Variants in EGFLAM observed in about 807,000 individuals in gnomAD.
EGFLAM encodes EGF like, fibronectin type III and laminin G domains.
A neutral mutation model predicts 113.1 loss-of-function variants in EGFLAM; 79 were observed. The ratio of observed to expected loss-of-function variants is 0.70; its 90% CI spans 0.58 to 0.84. The LOEUF (loss-of-function observed/expected upper bound fraction) is 0.84. EGFLAM is among the 40% of genes least tolerant of loss of function. EGFLAM has a pLI of 0.00. For missense variants in EGFLAM, 1,265 were observed against 1,291.6 expected (o/e 0.98, Z 0.32); for synonymous variants, 504 against 487.6 (o/e 1.03, Z -0.44).
intron 1 of EGFLAM, among the ~76,000 whole-genome samples, chr5:38,289,511 C>G (rs1380885797): frequency 6.6e-6 from 1 of 152,156 alleles, no homozygotes; most frequent in African/African-American, 2.4e-5. Context: ...AGCATCTTTA[C>G]TGAGTGACCC....
chr5:38,394,610 C>T (rs1198763794), intron 6 of EGFLAM, among the ~76,000 whole-genome samples: 3 of 151,434 alleles, frequency 2.0e-5, no homozygotes, highest in African/African-American at 4.9e-5. Flanking sequence ...GGGGTTTCAC[C>T]GTGTTAGCCA....
intron 1 of EGFLAM, among the ~76,000 whole-genome samples, chr5:38,325,493 A>G (rs1446224871): frequency 6.6e-6 from 1 of 152,246 alleles, no homozygotes; most frequent in African/African-American, 2.4e-5. Flanking sequence ...CGACAGATTT[A>G]GCAACCAAAG....
chr5:38,272,394 A>G (rs36046539), intron 1 of EGFLAM, among the ~76,000 whole-genome samples: 12,751 of 152,282 alleles, frequency 0.084, 622 homozygotes, highest in South Asian at 0.13. Flanking sequence ...ACCAAAGGAA[A>G]GAGAGGCTTG....
chr5:38,397,072 C>T (rs1475829691), intron 6 of EGFLAM, among the ~76,000 whole-genome samples: 1 of 152,236 alleles, frequency 6.6e-6, no homozygotes, highest in Non-Finnish European at 1.5e-5. Flanking sequence ...ATCTGAGAAG[C>T]TTTGAGGTGA....
chr5:38,286,899 T>C (rs1758177762), intron 1 of EGFLAM, among the ~76,000 whole-genome samples: 1 of 152,172 alleles, frequency 6.6e-6, no homozygotes, highest in African/African-American at 2.4e-5. Flanking sequence ...TGAGAGGGGA[T>C]TGAACACAGC....
At chr5:38,442,321 A>C (rs911128028) in intron 17 of EGFLAM, among the ~76,000 whole-genome samples, 1 of 148,044 alleles carries the variant, frequency 6.8e-6, no homozygotes, top group Non-Finnish European at 1.5e-5. Context: ...TTTTATATTT[A>C]ATATCAATAT....
At chr5:38,394,346 A>C (rs1288150971) in intron 6 of EGFLAM, among the ~76,000 whole-genome samples, 1 of 151,876 alleles carries the variant, frequency 6.6e-6, no homozygotes, top group Non-Finnish European at 1.5e-5. Flanking sequence ...CTTCAGTCCA[A>C]ATCAATTCCT....
At chr5:38,409,749 C>T (rs1025458032) in intron 10 of EGFLAM, among the ~76,000 whole-genome samples, 2 of 152,210 alleles carry the variant, frequency 1.3e-5, no homozygotes, top group African/African-American at 4.8e-5. Context: ...TATGGGCTTA[C>T]CATCCTCATC....
At chr5:38,295,463 CT>C (rs1758431393) in intron 1 of EGFLAM, among the ~76,000 whole-genome samples, 1 of 151,984 alleles carries the variant, frequency 6.6e-6, no homozygotes, top group African/African-American at 2.4e-5. Context: ...GATTGAAAAA[CT>C]GCTGAACAGG....
chr5:38,431,632 A>G (rs1156708905), intron 15 of EGFLAM, among the ~76,000 whole-genome samples: 1 of 152,164 alleles, frequency 6.6e-6, no homozygotes, highest in Non-Finnish European at 1.5e-5. Flanking sequence ...ACTCTGGGGT[A>G]GGGCCTGTGG....
intron 5 of EGFLAM, among the ~76,000 whole-genome samples, chr5:38,364,551 C>T (rs1318550085): frequency 3.3e-5 from 5 of 152,048 alleles, no homozygotes; most frequent in African/African-American, 9.7e-5. Context: ...AAAAAAAGGC[C>T]TTATAAAGGT....
chr5:38,273,615 C>A (rs1274598115), intron 1 of EGFLAM, among the ~76,000 whole-genome samples: 1 of 152,248 alleles, frequency 6.6e-6, no homozygotes, highest in African/African-American at 2.4e-5. Flanking sequence ...CTGGCTGTGA[C>A]AGACCTGGGC....
intron 6 of EGFLAM, among the ~76,000 whole-genome samples, chr5:38,389,339 G>A (rs1218450841): frequency 5.3e-5 from 8 of 152,126 alleles, no homozygotes; most frequent in Admixed American, 5.2e-4. Flanking sequence ...ACAGCTCAAC[G>A]TGATTTTTCT....
At chr5:38,276,167 G>C (rs1283108495) in intron 1 of EGFLAM, among the ~76,000 whole-genome samples, 2 of 152,088 alleles carry the variant, frequency 1.3e-5, no homozygotes, top group Non-Finnish European at 2.9e-5. Flanking sequence ...AAGAGCTTGT[G>C]CAGGGAAACT....
rs539365019 is a variant in EGFLAM, at chr5:38,462,978, C to T, written c.2842C>T (p.Arg948Trp). Reference protein sequence around the residue: ...ARTGKSPGMMRQLNINGALYV... With the variant: ...ARTGKSPGMMWQLNINGALYV... ...AACAGGCAAATCCCCAGGCATGATG[C>T]GGCAGCTTAACATCAATGGAGCTCT... Residue 948 changes from arginine (R) to tryptophan (W), a missense_variant, in exon 21 of 22, where the codon CGG becomes TGG. Arg to Trp is a moderately radical substitution (Grantham distance 101). Coordinates refer to ENST00000322350, the MANE Select transcript of EGFLAM (RefSeq NM_152403.4). 7 of 1,614,060 alleles carry T rather than the reference C, an allele frequency of 4.3e-6. No homozygotes were observed. The highest frequency in any genetic ancestry group is 2.2e-5 in the East Asian group (1 of 44,890).
At chr5:38,270,618 G>C (rs1230019839) in intron 1 of EGFLAM, among the ~76,000 whole-genome samples, 1 of 151,352 alleles carries the variant, frequency 6.6e-6, no homozygotes, top group East Asian at 1.9e-4. Flanking sequence ...CAGTCAGACA[G>C]ACCTGGGTTT....
chr5:38,301,675 A>T (rs1413524670), intron 1 of EGFLAM, among the ~76,000 whole-genome samples: 2 of 152,192 alleles, frequency 1.3e-5, no homozygotes, highest in Non-Finnish European at 2.9e-5. Flanking sequence ...TAACATAGAA[A>T]TCCAAAGAAT....
chr5:38,316,100 C>T (rs1156392444), intron 1 of EGFLAM, among the ~76,000 whole-genome samples: 1 of 147,960 alleles, frequency 6.8e-6, no homozygotes, highest in African/African-American at 2.5e-5. Flanking sequence ...AAATCCTAAG[C>T]ACAGAATCTG....
intron 8 of EGFLAM, among the ~76,000 whole-genome samples, 191 bp downstream of exon 8, chr5:38,407,337 G>A (rs913003803): frequency 1.3e-5 from 2 of 152,196 alleles, no homozygotes; most frequent in African/African-American, 4.8e-5. Context: ...TAAGTAGACA[G>A]CAGCCCTATT....
Sources: allele counts gnomAD v4.1 joint callset (sites outside exome capture counted in the v4.1 genomes callset), GRCh38; gene constraint gnomAD v4.1.1; transcripts MANE v1.5; gene names NCBI Gene and HGNC (gene_info 2026-07-23, HGNC 2026-07-21).